Variants in GUCY1A2 observed in about 807,000 individuals in gnomAD.
GUCY1A2 encodes the protein guanylate cyclase 1 soluble subunit alpha 2.
A neutral mutation model predicts 63.5 loss-of-function variants in GUCY1A2; 27 were observed. That is an observed-to-expected ratio of 0.43 (90% confidence interval 0.31 to 0.59). GUCY1A2 has a LOEUF of 0.59. Ranked by LOEUF, GUCY1A2 falls within the 20% of genes least tolerant of loss-of-function variation. The pLI, the probability that GUCY1A2 is intolerant of heterozygous loss-of-function variation, is 0.11. For synonymous variants in GUCY1A2, 364 were observed against 343.5 expected (o/e 1.06, Z -0.66); for missense variants, 768 against 913.3 (o/e 0.84, Z 2.05).
intron 6 of GUCY1A2, among the ~76,000 whole-genome samples, chr11:106,729,706 A>G (rs896369787): frequency 1.3e-5 from 2 of 152,146 alleles, no homozygotes; most frequent in Admixed American, 6.6e-5. Flanking sequence ...CATACTTGCC[A>G]GAGTAATCAC....
intron 1 of GUCY1A2, among the ~76,000 whole-genome samples, chr11:106,993,353 A>G (rs1861494794): frequency 1.3e-5 from 2 of 152,222 alleles, no homozygotes; most frequent in Admixed American, 6.5e-5. Context: ...GTAGACACCA[A>G]TGGATCAAAT....
At chr11:106,898,763 T>A (rs1860086048) in intron 4 of GUCY1A2, among the ~76,000 whole-genome samples, 1 of 152,280 alleles carries the variant, frequency 6.6e-6, no homozygotes, top group African/African-American at 2.4e-5. Context: ...TTCCATATGA[T>A]ACTATAATGG....
intron 3 of GUCY1A2, among the ~76,000 whole-genome samples, chr11:106,961,200 C>A (rs1174437254): frequency 6.6e-6 from 1 of 151,842 alleles, no homozygotes; most frequent in Non-Finnish European, 1.5e-5. Context: ...AGGAGAGCAG[C>A]CCCCACTGCA....
chr11:106,976,227 G>A (rs577110755), intron 3 of GUCY1A2, among the ~76,000 whole-genome samples: 1 of 152,124 alleles, frequency 6.6e-6, no homozygotes, highest in East Asian at 1.9e-4. Context: ...AAACCATGGA[G>A]TTGGAACACT....
intron 6 of GUCY1A2, among the ~76,000 whole-genome samples, chr11:106,725,775 T>A (rs916896021): frequency 6.6e-6 from 1 of 152,150 alleles, no homozygotes; most frequent in Non-Finnish European, 1.5e-5. Context: ...TTAAAAGTAG[T>A]CAGTGACAGG....
intron 4 of GUCY1A2, among the ~76,000 whole-genome samples, chr11:106,891,901 TA>T (rs1166954209): frequency 6.6e-6 from 1 of 152,174 alleles, no homozygotes. Flanking sequence ...TATTCTCATT[TA>T]AATTCTAAAG....
chr11:106,769,851 T>C (rs181232468), intron 6 of GUCY1A2, among the ~76,000 whole-genome samples: 1 of 152,138 alleles, frequency 6.6e-6, no homozygotes, highest in East Asian at 1.9e-4. Context: ...CCCTTAGGTT[T>C]TTCTCCTTAT....
In GUCY1A2 at chr11:106,781,542, T is replaced by C. The variant is rs141414129; in HGVS notation, c.1693-4960A>G. Among the ~76,000 whole-genome samples, 511 of 152,202 alleles carry C rather than the reference T, an allele frequency of 3.4e-3. 4 individuals carry two copies. The highest frequency in any genetic ancestry group is 0.012 in the African/African-American group (493 of 41,524). On this transcript the variant is annotated intron_variant, in intron 5 of 7. Coordinates refer to ENST00000526355, the MANE Select transcript of GUCY1A2 (RefSeq NM_000855.3). ...GAAATAAAGGTGGTGTAAATAAATA[T>C]ATTAGAGCTATGCATTCACCTTGTT...
intron 1 of GUCY1A2, among the ~76,000 whole-genome samples, chr11:107,000,478 T>G (rs550559916): frequency 2.0e-5 from 3 of 152,242 alleles, no homozygotes; most frequent in Non-Finnish European, 4.4e-5. Context: ...CATATTCTTT[T>G]GTTAAGGAAG....
At chr11:107,009,400 C>T (rs72996354) in intron 1 of GUCY1A2, among the ~76,000 whole-genome samples, 2,529 of 152,284 alleles carry the variant, frequency 0.017, 27 homozygotes, top group Non-Finnish European at 0.027. Flanking sequence ...TTGTGTCAAT[C>T]TCACTCTGAA....
At chr11:106,971,619 G>A (rs992322631) in intron 3 of GUCY1A2, among the ~76,000 whole-genome samples, 2 of 152,098 alleles carry the variant, frequency 1.3e-5, no homozygotes, top group Admixed American at 6.6e-5. Flanking sequence ...TGGTAATGGA[G>A]TAAAGTTGGA....
At chr11:106,900,544 G>T (rs1463231431) in intron 4 of GUCY1A2, among the ~76,000 whole-genome samples, 1 of 152,206 alleles carries the variant, frequency 6.6e-6, no homozygotes, top group African/African-American at 2.4e-5. Context: ...GAATAGGCAT[G>T]TAATATCTGC....
At chr11:106,829,507 T>C (rs1406397983) in intron 4 of GUCY1A2, among the ~76,000 whole-genome samples, 1 of 152,196 alleles carries the variant, frequency 6.6e-6, no homozygotes, top group Non-Finnish European at 1.5e-5. Context: ...ATGATAATTT[T>C]AACAGAACAG....
chr11:106,961,331 T>G (rs1591344904), intron 3 of GUCY1A2, among the ~76,000 whole-genome samples: 1 of 152,052 alleles, frequency 6.6e-6, no homozygotes, highest in East Asian at 1.9e-4. Context: ...AGACTTAGTT[T>G]ATTCTTATAA....
At chr11:106,913,588 A>G (rs570913655) in intron 4 of GUCY1A2, among the ~76,000 whole-genome samples, 3 of 152,100 alleles carry the variant, frequency 2.0e-5, no homozygotes, top group Non-Finnish European at 4.4e-5. Context: ...CTGGGGATTA[A>G]ATTTCAACAT....
chr11:107,000,733 A>G (rs766058964), intron 1 of GUCY1A2, among the ~76,000 whole-genome samples: 2 of 152,230 alleles, frequency 1.3e-5, no homozygotes, highest in Non-Finnish European at 2.9e-5. Flanking sequence ...ATGTGTAAAT[A>G]CTATGATAAA....
intron 6 of GUCY1A2, among the ~76,000 whole-genome samples, chr11:106,735,201 C>A (rs1301231508): frequency 6.6e-6 from 1 of 152,060 alleles, no homozygotes; most frequent in Non-Finnish European, 1.5e-5. Flanking sequence ...CCTGACTAGT[C>A]ACCCTGTTGT....
At chr11:106,752,347 CA>C (rs1308650750) in intron 6 of GUCY1A2, among the ~76,000 whole-genome samples, 1 of 152,038 alleles carries the variant, frequency 6.6e-6, no homozygotes, top group Non-Finnish European at 1.5e-5. Flanking sequence ...TATTATGGTT[CA>C]AAAAGGTTTA....
intron 4 of GUCY1A2, among the ~76,000 whole-genome samples, chr11:106,922,646 A>G (rs1286833935): frequency 1.6e-5 from 2 of 126,926 alleles, no homozygotes; most frequent in Non-Finnish European, 3.3e-5. Context: ...ATGGTAATTC[A>G]GTGCTTTGTT....
Sources: gnomAD v4.1 joint callset for allele counts (sites outside exome capture counted in the v4.1 genomes callset) on GRCh38, gnomAD v4.1.1 for gene constraint, MANE v1.5 for transcripts, NCBI Gene and HGNC (gene_info 2026-07-23, HGNC 2026-07-21) for gene names.